IGSF10: variants seen among roughly 807,000 people sequenced by gnomAD.
IGSF10 encodes the protein immunoglobulin superfamily member 10.
In IGSF10, 126 loss-of-function variants were observed where a neutral mutation model predicts 128.2. The ratio of observed to expected loss-of-function variants is 0.98; its 90% CI spans 0.85 to 1.14. The LOEUF is 1.14. Among genes scored for constraint, IGSF10 ranks in the 50% most tolerant of loss-of-function variants. The pLI is 0.00. For synonymous variants in IGSF10, 1,185 were observed against 1,146.2 expected (o/e 1.03, Z -0.68); for missense variants, 3,295 against 3,149.8 (o/e 1.05, Z -1.10).
chr3:151,527,117 C>A, the IGSF10 span, among the ~76,000 whole-genome samples: 1 of 152,286 alleles, frequency 6.6e-6, no homozygotes, highest in East Asian at 1.9e-4. Flanking sequence ...CCACTACTGA[C>A]TTTAGAAGTC....
At chr3:151,433,708 T>C (rs908279977), downstream of IGSF10, 1 of 152,664 alleles carries the variant, frequency 6.6e-6, no homozygotes, top group African/African-American at 2.4e-5. Context: ...ATTCCAGTGC[T>C]CACACTTGAC....
chr3:151,610,355 T>C, the IGSF10 span, among the ~76,000 whole-genome samples: 1 of 152,194 alleles, frequency 6.6e-6, no homozygotes, highest in South Asian at 2.1e-4. Flanking sequence ...TTGTGTCTAG[T>C]CAATAAATGA....
At chr3:151,466,230 A>G in the IGSF10 span, among the ~76,000 whole-genome samples, 1 of 152,102 alleles carries the variant, frequency 6.6e-6, no homozygotes, top group Non-Finnish European at 1.5e-5. Flanking sequence ...CCCCAGAAAT[A>G]CCAGGTGACC....
chr3:151,432,939 CACA>C, downstream of IGSF10: 4 of 481,876 alleles, frequency 8.3e-6, no homozygotes, highest in African/African-American at 3.0e-5. Context: ...TGCTACATCT[CACA>C]AAAAAAAAAA....
the IGSF10 span, among the ~76,000 whole-genome samples, chr3:151,600,909 G>A: frequency 6.6e-6 from 1 of 151,550 alleles, no homozygotes; most frequent in East Asian, 1.9e-4. Context: ...TCTTTGAATT[G>A]TCTGTTCATG....
the IGSF10 span, among the ~76,000 whole-genome samples, chr3:151,515,209 A>G: frequency 2.0e-5 from 3 of 152,076 alleles, no homozygotes; most frequent in Admixed American, 6.6e-5. Flanking sequence ...CAAAGACTTG[A>G]AACCAACCCA....
the IGSF10 span, among the ~76,000 whole-genome samples, chr3:151,478,523 G>A: frequency 6.6e-6 from 1 of 152,170 alleles, no homozygotes; most frequent in African/African-American, 2.4e-5. Flanking sequence ...GCATACCAGA[G>A]TAACATATTA....
chr3:151,576,772 C>T, the IGSF10 span, among the ~76,000 whole-genome samples: 29 of 152,204 alleles, frequency 1.9e-4, no homozygotes, highest in African/African-American at 6.5e-4. Context: ...GGGAAGTTAC[C>T]CTATATGGTC....
the IGSF10 span, among the ~76,000 whole-genome samples, chr3:151,577,082 T>C: frequency 2.6e-5 from 4 of 152,204 alleles, no homozygotes; most frequent in African/African-American, 9.7e-5. Context: ...GTCTGTCATG[T>C]GGTTTTACGT....
At chr3:151,575,689 C>T in the IGSF10 span, among the ~76,000 whole-genome samples, 2 of 152,148 alleles carry the variant, frequency 1.3e-5, no homozygotes, top group African/African-American at 2.4e-5. Flanking sequence ...CTGGGTGAGG[C>T]GATGCCCTAC....
At chr3:151,460,865 T>C (rs1268133203) in intron 1 of IGSF10, 81 bp downstream of exon 1, 1 of 875,052 alleles carries the variant, frequency 1.1e-6, no homozygotes, top group African/African-American at 1.8e-5. Context: ...GCAGCCACGG[T>C]ACTCGCTCCA....
the IGSF10 span, among the ~76,000 whole-genome samples, chr3:151,488,315 TAAGAG>T: frequency 0.83 from 125,217 of 150,528 alleles, 52,203 homozygotes; most frequent in Middle Eastern, 0.94. Flanking sequence ...CTCAAGGAAA[TAAGAG>T]AGGACACAAA....
the IGSF10 span, among the ~76,000 whole-genome samples, chr3:151,595,922 G>A: frequency 6.6e-6 from 1 of 152,180 alleles, no homozygotes; most frequent in Admixed American, 6.5e-5. Flanking sequence ...GTATTGTATT[G>A]TATATTAGAA....
Position 151,447,069 on chromosome 3 carries a change from G to T in IGSF10, c.2912C>A (p.Ser971Tyr), listed in dbSNP as rs1369009579. Residue 971 changes from serine to tyrosine, a missense_variant, in exon 6 of 8, where the codon TCT becomes TAT. Ser to Tyr is a moderately radical substitution (Grantham distance 144, BLOSUM62 -2). Transcript: ENST00000282466. Reference protein sequence around the residue: ...VSEPRHNHFYSHTTQILSTST... With the variant: ...VSEPRHNHFYYHTTQILSTST... Reference sequence around the variant, plus strand: ...GGTGCTAAGTATTTGAGTAGTGTGAGAATAGAAGTGATTGTGCCTGGGTTC... The same window carrying T: ...GGTGCTAAGTATTTGAGTAGTGTGATAATAGAAGTGATTGTGCCTGGGTTC... 6.2e-7 allele frequency: 1 copy of T among 1,614,152 alleles called. No homozygotes were observed. The highest frequency in any genetic ancestry group is 1.3e-5 in the African/African-American group (1 of 75,056).
chr3:151,561,908 T>C, the IGSF10 span, among the ~76,000 whole-genome samples: 1 of 152,120 alleles, frequency 6.6e-6, no homozygotes, highest in Non-Finnish European at 1.5e-5. Flanking sequence ...TCATTGAAAA[T>C]GTAACCCATG....
the IGSF10 span, among the ~76,000 whole-genome samples, chr3:151,495,348 A>G: frequency 1.3e-5 from 2 of 152,140 alleles, no homozygotes; most frequent in Non-Finnish European, 2.9e-5. Flanking sequence ...AATAGCACAA[A>G]TGCAGTTGTG....
At chr3:151,562,754 A>G in the IGSF10 span, among the ~76,000 whole-genome samples, 3 of 152,118 alleles carry the variant, frequency 2.0e-5, no homozygotes, top group African/African-American at 7.2e-5. Context: ...TATTGACTCC[A>G]GTAGGGAAGG....
the IGSF10 span, among the ~76,000 whole-genome samples, chr3:151,581,701 C>A: frequency 1.3e-5 from 2 of 152,160 alleles, no homozygotes; most frequent in African/African-American, 4.8e-5. Context: ...ATATCTAAAG[C>A]CATTTATGAA....
rs1218206283 is a variant in IGSF10 at position 151,436,777 on chromosome 3, G to A, written c.7784C>T (p.Pro2595Leu). Residue 2595 changes from proline to leucine, a missense_variant, in exon 8 of 8, where the codon CCC (proline) becomes CTC (leucine). Transcript: ENST00000282466. ...GTATATCCCAGAATCGGAGGTTTGG[G>A]GATTCTGAATGACTAGGGTACCTTG... is the stretch of plus-strand genomic sequence containing the variant. ...HLQGTLVIQNPQTSDSGIYKC... is the reference protein window; with the variant it reads ...HLQGTLVIQNLQTSDSGIYKC... 1 of 1,614,090 alleles carries A rather than the reference G, an allele frequency of 6.2e-7. No homozygotes were observed. The highest frequency in any genetic ancestry group is 8.5e-7 in the Non-Finnish European group (1 of 1,179,976).
Sources: allele counts gnomAD v4.1 joint callset (sites outside exome capture counted in the v4.1 genomes callset), GRCh38; gene constraint gnomAD v4.1.1; transcripts MANE v1.5; gene names NCBI Gene and HGNC (gene_info 2026-07-23, HGNC 2026-07-21).